The following PTPRG variants were observed in gnomAD, a reference collection of about 807,000 sequenced individuals.
PTPRG encodes the protein receptor-type tyrosine-protein phosphatase gamma.
A neutral mutation model predicts 165.3 loss-of-function variants in PTPRG; 102 were observed. The observed-to-expected ratio is 0.62, with a 90% confidence interval of 0.53 to 0.73. The LOEUF (loss-of-function observed/expected upper bound fraction) is 0.73. PTPRG is among the 30% of genes least tolerant of loss of function. PTPRG has a pLI of 0.00. For missense variants in PTPRG, 1,866 were observed against 1,861.4 expected (o/e 1.00, Z -0.05); for synonymous variants, 675 against 669.5 (o/e 1.01, Z -0.13).
intron 3 of PTPRG, among the ~76,000 whole-genome samples, chr3:62,001,887 C>T (rs927318743): frequency 6.6e-6 from 1 of 152,130 alleles, no homozygotes; most frequent in Non-Finnish European, 1.5e-5. Context: ...ACCAATTGGC[C>T]TGCAAAGCCT....
At chr3:62,277,777 C>A in intron 26 of PTPRG, 98 bp downstream of exon 26, 1 of 1,448,162 alleles carries the variant, frequency 6.9e-7, no homozygotes, top group Non-Finnish European at 9.3e-7. Context: ...TCCATATATG[C>A]TAGGGAGGGA....
chr3:62,092,447 A>AAAAAAAAG (rs1701973754), intron 5 of PTPRG, among the ~76,000 whole-genome samples: 1 of 150,334 alleles, frequency 6.7e-6, no homozygotes, highest in Admixed American at 6.6e-5. Flanking sequence ...CTGAAAAAAA[A>AAAAAAAAG]AAAAAAAAAA....
At chr3:62,042,819 G>C (rs1051877713) in intron 4 of PTPRG, among the ~76,000 whole-genome samples, 1 of 152,296 alleles carries the variant, frequency 6.6e-6, no homozygotes, top group South Asian at 2.1e-4. Context: ...TGGGTGTTCA[G>C]TAAAGATTAA....
At chr3:62,003,205 G>A (rs1198925364) in intron 3 of PTPRG, 144 bp from the exon 4 acceptor site, 4 of 876,022 alleles carry the variant, frequency 4.6e-6, no homozygotes, top group Non-Finnish European at 5.1e-6. Flanking sequence ...TATTCAGGCG[G>A]GTGTGTTCAA....
At chr3:62,132,478 T>C (rs1703552583) in intron 5 of PTPRG, 124 bp from the exon 6 acceptor site, 2 of 764,422 alleles carry the variant, frequency 2.6e-6, no homozygotes, top group Non-Finnish European at 4.8e-6. Context: ...CCATGGTGTA[T>C]GTGAGACCTA....
intron 2 of PTPRG, among the ~76,000 whole-genome samples, chr3:61,900,484 T>C (rs530751269): frequency 4.7e-4 from 71 of 152,308 alleles, no homozygotes; most frequent in African/African-American, 1.6e-3. Flanking sequence ...GCAAAGACTC[T>C]GTAAGTCCCC....
intron 8 of PTPRG, among the ~76,000 whole-genome samples, chr3:62,173,470 C>G (rs566928839): frequency 2.0e-5 from 3 of 152,086 alleles, no homozygotes; most frequent in Non-Finnish European, 4.4e-5. Context: ...TTTACTGACC[C>G]CCACTCTATG....
intron 2 of PTPRG, among the ~76,000 whole-genome samples, chr3:61,963,447 TA>T (rs2040198272): frequency 6.6e-6 from 1 of 152,210 alleles, no homozygotes; most frequent in Non-Finnish European, 1.5e-5. Context: ...GCATTTGAAT[TA>T]ATACGCATTT....
intron 1 of PTPRG, among the ~76,000 whole-genome samples, chr3:61,648,531 T>A (rs902808517): frequency 2.6e-5 from 4 of 152,220 alleles, no homozygotes; most frequent in African/African-American, 4.8e-5. Flanking sequence ...AGTTCCTCTG[T>A]CCTGAGACAA....
At position 62,295,863 on chromosome 3, in the gene PTPRG, A is replaced by C. The variant is rs1412617820; in HGVS notation, c.*2556A>C. On this transcript the variant is annotated 3_prime_UTR_variant, in exon 30 of 30. Transcript: ENST00000474889. ...TGTTATTGGCAAAAACATAGCTTGC[A>C]TCTTTCCAGAGGCAGAGTTTCAAAG... The C allele has an allele frequency of 6.6e-6, 1 of 152,116 alleles. No individual in the cohort carries two copies. The highest frequency in any genetic ancestry group is 2.4e-5 in the African/African-American group (1 of 41,434). 9.4% of individuals were successfully genotyped at this position (152,116 alleles called of 1,614,324 possible).
intron 5 of PTPRG, among the ~76,000 whole-genome samples, chr3:62,086,736 T>G (rs1000140494): frequency 3.3e-5 from 5 of 152,220 alleles, no homozygotes; most frequent in Admixed American, 6.5e-5. Context: ...ATTAAACTAT[T>G]TTAACAGCTA....
chr3:61,765,088 A>G (rs577458913), intron 2 of PTPRG, among the ~76,000 whole-genome samples: 2 of 152,308 alleles, frequency 1.3e-5, no homozygotes, highest in African/African-American at 2.4e-5. Context: ...GTGAGGTTCT[A>G]CCTTTCTAGC....
At chr3:61,680,926 A>G (rs1347037999) in intron 1 of PTPRG, among the ~76,000 whole-genome samples, 1 of 74,528 alleles carries the variant, frequency 1.3e-5, no homozygotes, top group African/African-American at 3.8e-5. Flanking sequence ...CAGGAGCTGT[A>G]TGGAAATCAT....
intron 1 of PTPRG, among the ~76,000 whole-genome samples, chr3:61,564,755 A>G (rs1257668718): frequency 1.3e-5 from 2 of 151,822 alleles, no homozygotes; most frequent in South Asian, 4.2e-4. Flanking sequence ...GGCTCCTGCC[A>G]CCTCCACACT....
intron 12 of PTPRG, among the ~76,000 whole-genome samples, chr3:62,211,228 C>T (rs1020444669): frequency 6.6e-6 from 1 of 152,168 alleles, no homozygotes; most frequent in Non-Finnish European, 1.5e-5. Flanking sequence ...ACCCTGAGGA[C>T]ATTATGCTAA....
intron 1 of PTPRG, among the ~76,000 whole-genome samples, chr3:61,725,316 C>G (rs1214688732): frequency 6.6e-6 from 1 of 152,084 alleles, no homozygotes; most frequent in African/African-American, 2.4e-5. Context: ...AGGATTTTCA[C>G]CATGTTGGCC....
intron 7 of PTPRG, among the ~76,000 whole-genome samples, chr3:62,166,014 A>C (rs1038036869): frequency 6.6e-6 from 1 of 151,868 alleles, no homozygotes; most frequent in African/African-American, 2.4e-5. Flanking sequence ...CGAAGCCTTG[A>C]CAGTCACTCA....
intron 12 of PTPRG, among the ~76,000 whole-genome samples, chr3:62,204,951 A>G (rs1700191436): frequency 6.6e-6 from 1 of 152,176 alleles, no homozygotes; most frequent in African/African-American, 2.4e-5. Context: ...GCCAGACTAC[A>G]AGATGTTTAG....
At position 62,208,091 on chromosome 3, in the gene PTPRG, G is replaced by T. The variant is rs578071001; in HGVS notation, c.2155+4141G>T. ...CATCCCTGGGCCAGGTAGGAACCGCGGGTGGTCAACCTCTACTGTAGTGTT... is the reference window on the plus strand; with the variant it reads ...CATCCCTGGGCCAGGTAGGAACCGCTGGTGGTCAACCTCTACTGTAGTGTT... On this transcript the variant is annotated intron_variant, in intron 12 of 29. Transcript: ENST00000474889. 2.0e-3 allele frequency among the ~76,000 whole-genome samples: 300 copies of T among 152,276 alleles called. 1 individual carries two copies. The highest frequency in any genetic ancestry group is 7.0e-3 in the African/African-American group (292 of 41,548).
Sources: allele counts gnomAD v4.1 joint callset (sites outside exome capture counted in the v4.1 genomes callset), GRCh38; gene constraint gnomAD v4.1.1; transcripts MANE v1.5; gene names NCBI Gene and HGNC (gene_info 2026-07-23, HGNC 2026-07-21).